KDM4C: variants seen among roughly 807,000 people sequenced by gnomAD.
KDM4C encodes lysine-specific demethylase 4C.
In KDM4C, 81 loss-of-function variants were observed where a neutral mutation model predicts 129.3. The observed-to-expected ratio is 0.63, with a 90% CI of 0.52 to 0.75. The LOEUF (loss-of-function observed/expected upper bound fraction) is 0.75, where lower values mean the gene tolerates loss of function less well. Among genes scored for constraint, KDM4C ranks in the 30% least tolerant of loss-of-function variants. The probability of loss-of-function intolerance (pLI) is 0.00; values close to 1 mark genes in which losing one functional copy is unlikely to be tolerated. For synonymous variants in KDM4C, 573 were observed against 456.1 expected (o/e 1.26, Z -3.26); for missense variants, 1,457 against 1,304.0 (o/e 1.12, Z -1.81).
Position 7,157,276 on chromosome 9 carries a change from A to G in KDM4C, c.2782-7962A>G, listed in dbSNP as rs149548483. 2.5e-3 allele frequency among the ~76,000 whole-genome samples: 388 copies of G among 152,284 alleles called. 1 individual carries two copies. Among genetic ancestry groups the G allele is most frequent in the African/African-American group, 8.6e-3 (356 of 41,560 alleles). ...GGGCTGAGATGATAGGTTTTTCTAA[A>G]TATACAATTATGTCATGTGCAGACA... On this transcript the variant is annotated intron_variant, in intron 19 of 21. Coordinates refer to ENST00000381309, the MANE Select transcript of KDM4C (RefSeq NM_015061.6).
At chr9:6,972,215 C>T (rs936780686) in intron 8 of KDM4C, among the ~76,000 whole-genome samples, 2 of 151,464 alleles carry the variant, frequency 1.3e-5, no homozygotes, top group Non-Finnish European at 2.9e-5. Context: ...TAGGGGGGAG[C>T]CATTTCCTAT....
intron 17 of KDM4C, among the ~76,000 whole-genome samples, chr9:7,087,129 C>G (rs906957871): frequency 6.6e-6 from 1 of 151,200 alleles, no homozygotes; most frequent in East Asian, 1.9e-4. Flanking sequence ...AAAGGAGTAC[C>G]CAAATGATGT....
At chr9:6,925,254 A>T (rs1563823060) in intron 8 of KDM4C, 2 of 985,308 alleles carry the variant, frequency 2.0e-6, no homozygotes, top group Non-Finnish European at 2.4e-6. Context: ...ATAATTATGA[A>T]CAGCATTGTA....
intron 5 of KDM4C, among the ~76,000 whole-genome samples, chr9:6,867,392 G>A (rs1424149697): frequency 6.6e-6 from 1 of 152,060 alleles, no homozygotes; most frequent in African/African-American, 2.4e-5. Context: ...GCACCATTTT[G>A]GTATCAGAAA....
intron 20 of KDM4C, among the ~76,000 whole-genome samples, chr9:7,168,193 G>A (rs2014332): frequency 0.78 from 118,417 of 152,030 alleles, 46,253 homozygotes; most frequent in Middle Eastern, 0.8. Context: ...CGTCTCAAGA[G>A]AAAACCAAAA....
At chr9:6,760,919 T>C (rs6477107) in intron 1 of KDM4C, among the ~76,000 whole-genome samples, 61,130 of 151,128 alleles carry the variant, frequency 0.4, 13,297 homozygotes, top group African/African-American at 0.57. Context: ...TCTTTCCCTA[T>C]TCCACTGCCA....
chr9:6,771,941 CT>C (rs1821931517), intron 1 of KDM4C, among the ~76,000 whole-genome samples: 1 of 152,184 alleles, frequency 6.6e-6, no homozygotes. Context: ...TGGGAAGCCT[CT>C]CCCCATTCCA....
chr9:6,788,362 C>T (rs537877626), intron 1 of KDM4C, among the ~76,000 whole-genome samples: 2 of 152,178 alleles, frequency 1.3e-5, no homozygotes, highest in Admixed American at 6.5e-5. Flanking sequence ...GGGAAATGCT[C>T]GGGCCACCCT....
chr9:6,933,211 A>G (rs1824084882), intron 8 of KDM4C, among the ~76,000 whole-genome samples: 1 of 152,232 alleles, frequency 6.6e-6, no homozygotes, highest in Admixed American at 6.5e-5. Context: ...CAATAGGTAT[A>G]GGATGTTAAC....
chr9:6,973,943 C>T (rs975277780), intron 8 of KDM4C: 1 of 152,204 alleles, frequency 6.6e-6, no homozygotes, highest in Non-Finnish European at 1.5e-5. Flanking sequence ...ATTGTGAAAC[C>T]TGTGAGACAG....
chr9:6,762,058 A>G (rs974316017), intron 1 of KDM4C, among the ~76,000 whole-genome samples: 6 of 152,072 alleles, frequency 3.9e-5, no homozygotes, highest in Admixed American at 6.6e-5. Context: ...TCGGCCTCCC[A>G]AAGTGCTGGG....
chr9:7,075,124 T>A (rs1041262978), intron 17 of KDM4C, among the ~76,000 whole-genome samples: 5 of 152,200 alleles, frequency 3.3e-5, no homozygotes, highest in African/African-American at 1.2e-4. Flanking sequence ...ATGGTGGGCA[T>A]GATATGCAGT....
chr9:6,980,903 C>T lies in KDM4C; in HGVS notation c.922-22C>T, dbSNP rs778991569. The stretch of plus-strand genomic sequence containing the variant: ...TATAGTTAGCGAAACGTTTAACACT[C>T]TCCAACCCGGTTGTGTTTCAGTGCA... On this transcript the variant is annotated intron_variant, in intron 8 of 21. Coordinates refer to ENST00000381309, the MANE Select transcript of KDM4C (RefSeq NM_015061.6). 4 of 1,611,690 alleles carry T rather than the reference C, an allele frequency of 2.5e-6. No individual in the cohort carries two copies. The Admixed American group carries it at 5.0e-5, about 20-fold the overall frequency.
At chr9:7,162,236 A>G in intron 19 of KDM4C, among the ~76,000 whole-genome samples, 1 of 152,214 alleles carries the variant, frequency 6.6e-6, no homozygotes, top group East Asian at 1.9e-4. Context: ...GTAAAGAAAA[A>G]GAGTTCTGAA....
intron 17 of KDM4C, among the ~76,000 whole-genome samples, chr9:7,053,285 C>T (rs1397220690): frequency 1.3e-5 from 2 of 152,186 alleles, no homozygotes; most frequent in Admixed American, 6.5e-5. Context: ...AGAGCTTCAA[C>T]CTACAGCTTT....
At chr9:7,140,197 C>A (rs935752719) in intron 19 of KDM4C, among the ~76,000 whole-genome samples, 1 of 152,008 alleles carries the variant, frequency 6.6e-6, no homozygotes, top group Non-Finnish European at 1.5e-5. Context: ...AACAACCTGA[C>A]CATCACCTGA....
intron 8 of KDM4C, among the ~76,000 whole-genome samples, chr9:6,957,939 C>T (rs1030431018): frequency 6.6e-6 from 1 of 152,106 alleles, no homozygotes; most frequent in Non-Finnish European, 1.5e-5. Flanking sequence ...TATCGAAAGC[C>T]TGTAGAATCC....
chr9:6,763,465 CA>C (rs201414341), intron 1 of KDM4C, among the ~76,000 whole-genome samples: 14,630 of 152,220 alleles, frequency 0.096, 814 homozygotes, highest in Non-Finnish European at 0.11. Context: ...CTTAAGCAAT[CA>C]TGCCATTACT....
chr9:7,124,306 T>A (rs994433951), intron 18 of KDM4C, among the ~76,000 whole-genome samples: 4 of 152,252 alleles, frequency 2.6e-5, no homozygotes, highest in Non-Finnish European at 5.9e-5. Context: ...CTTGTAATGC[T>A]GACAATGACT....
Sources: allele counts gnomAD v4.1 joint callset (sites outside exome capture counted in the v4.1 genomes callset), GRCh38; gene constraint gnomAD v4.1.1; transcripts MANE v1.5; gene names NCBI Gene and HGNC (gene_info 2026-07-23, HGNC 2026-07-21).